The following SWT1 variants were observed in gnomAD, a reference collection of about 807,000 sequenced individuals.
SWT1 encodes the protein SWT1 RNA endoribonuclease homolog.
In SWT1, 33 loss-of-function variants were observed where a neutral mutation model predicts 107.3. That is an observed-to-expected ratio of 0.31 (90% CI 0.23 to 0.41). The LOEUF is 0.41. SWT1 is among the 10% of genes least tolerant of loss of function. The probability of loss-of-function intolerance (pLI) is 1.00; values close to 1 mark genes in which losing one functional copy is unlikely to be tolerated. For missense variants in SWT1, 898 were observed against 1,028.9 expected, an observed-to-expected ratio of 0.87 and a Z score of 1.74; for synonymous variants, 345 against 348.3, an observed-to-expected ratio of 0.99 and a Z score of 0.11.
intron 16 of SWT1, among the ~76,000 whole-genome samples, chr1:185,257,654 G>C (rs573148183): frequency 2.6e-5 from 4 of 152,204 alleles, no homozygotes; most frequent in African/African-American, 7.2e-5. Flanking sequence ...CATGGTGCGC[G>C]CACCCACTGA....
intron 18 of SWT1, among the ~76,000 whole-genome samples, chr1:185,277,469 T>C (rs1664319764): frequency 6.6e-6 from 1 of 152,104 alleles, no homozygotes; most frequent in South Asian, 2.1e-4. Flanking sequence ...TTTGTATTTT[T>C]AGTAGAGACG....
chr1:185,195,532 T>C (rs1202128761), intron 10 of SWT1, among the ~76,000 whole-genome samples: 3 of 152,182 alleles, frequency 2.0e-5, no homozygotes, highest in Admixed American at 2.0e-4. Context: ...GATTGCTGGG[T>C]CAAATGGTAT....
At chr1:185,242,954 G>A (rs2102614675) in intron 16 of SWT1, among the ~76,000 whole-genome samples, 1 of 152,156 alleles carries the variant, frequency 6.6e-6, no homozygotes, top group South Asian at 2.1e-4. Context: ...TCTGAATAAG[G>A]GCTATCATAA....
intron 16 of SWT1, among the ~76,000 whole-genome samples, chr1:185,255,185 G>A (rs1218873953): frequency 6.6e-6 from 1 of 152,140 alleles, no homozygotes; most frequent in Non-Finnish European, 1.5e-5. Flanking sequence ...CTGTTGAGGA[G>A]AGCTTTACTT....
At position 185,184,132 on chromosome 1, in the gene SWT1, A is replaced by G. The variant is rs1656253781; in HGVS notation, c.1139-111A>G. The G allele has an allele frequency of 1.9e-5, 11 of 590,384 alleles. No homozygotes were observed. The South Asian group carries it at 2.3e-4, about 12-fold the overall frequency. 36.6% of individuals were successfully genotyped at this position (590,384 alleles called of 1,614,324 possible). ...AATCTCTGATACAGTTAACAAGACA[A>G]AGAGGCGTTTTAAATTTAATTGAAT... On this transcript the variant is annotated intron_variant, in intron 7 of 18. Transcript: ENST00000367500.
At chr1:185,235,013 A>G (rs1015682497) in intron 16 of SWT1, among the ~76,000 whole-genome samples, 1 of 152,208 alleles carries the variant, frequency 6.6e-6, no homozygotes, top group Non-Finnish European at 1.5e-5. Context: ...CCAAACCAGG[A>G]AGAAGTCGAA....
rs1433604152 is a variant in SWT1, at chr1:185,290,732, T to TGCAATGC, written c.2633_2639dup (p.Ser881GlnfsTer15). The stretch of plus-strand genomic sequence containing the variant: ...TGAGATGGAATATACCATGCAGCAG[T>TGCAATGC]GCAATGCATCTGTTTATATGGAGGC... On this transcript the variant is annotated frameshift_variant, in exon 19 of 19. Transcript: ENST00000367500. LOFTEE classifies it high-confidence loss of function. The TGCAATGC allele has an allele frequency of 6.2e-7, 1 of 1,611,412 alleles. No individual in the cohort carries two copies. Among genetic ancestry groups the TGCAATGC allele is most frequent in the African/African-American group, 1.3e-5 (1 of 74,784 alleles).
At chr1:185,173,431 T>C (rs1182453642) in intron 4 of SWT1, among the ~76,000 whole-genome samples, 1 of 151,222 alleles carries the variant, frequency 6.6e-6, no homozygotes, top group Non-Finnish European at 1.5e-5. Flanking sequence ...TAGTGGCTCA[T>C]GCCTGTAGCC....
chr1:185,202,619 A>G (rs1558036237), intron 10 of SWT1, 35 bp from the exon 11 acceptor site: 1 of 1,586,078 alleles, frequency 6.3e-7, no homozygotes, highest in Non-Finnish European at 8.6e-7. Flanking sequence ...TATAAAAAAT[A>G]TTTTTTCCTC....
At chr1:185,244,742 A>G (rs1054274374) in intron 16 of SWT1, among the ~76,000 whole-genome samples, 1 of 152,130 alleles carries the variant, frequency 6.6e-6, no homozygotes, top group African/African-American at 2.4e-5. Flanking sequence ...TGAACTTTTG[A>G]TTTTTTAATA....
intron 17 of SWT1, among the ~76,000 whole-genome samples, chr1:185,272,872 T>TA (rs1382586430): frequency 3.3e-5 from 5 of 151,670 alleles, no homozygotes; most frequent in African/African-American, 9.7e-5. Context: ...CCCATCTCTC[T>TA]AAAAAACAAA....
At chr1:185,232,829 A>AT (rs1478975104) in intron 16 of SWT1, among the ~76,000 whole-genome samples, 7 of 152,260 alleles carry the variant, frequency 4.6e-5, no homozygotes, top group South Asian at 2.1e-4. Context: ...CTGTAAGGAA[A>AT]TTTTTTTAAT....
chr1:185,204,437 C>T (rs988832560), intron 11 of SWT1, among the ~76,000 whole-genome samples: 4 of 151,954 alleles, frequency 2.6e-5, no homozygotes, highest in African/African-American at 9.7e-5. Context: ...ACATTTCTTA[C>T]ATTTTTATTT....
chr1:185,280,848 C>T (rs1391261939), intron 18 of SWT1: 2 of 423,486 alleles, frequency 4.7e-6, no homozygotes, highest in South Asian at 1.8e-5. Flanking sequence ...GTTGTGATGC[C>T]AGAGCTGGCG....
At chr1:185,207,784 C>T (rs558299709) in intron 13 of SWT1, among the ~76,000 whole-genome samples, 57 of 151,994 alleles carry the variant, frequency 3.8e-4, no homozygotes, top group African/African-American at 1.4e-3. Flanking sequence ...GCCTGTAGAC[C>T]CAGCTACTTG....
At chr1:185,176,286 C>CAAAA (rs71101962) in intron 5 of SWT1, among the ~76,000 whole-genome samples, 1 of 47,294 alleles carries the variant, frequency 2.1e-5, no homozygotes, top group Non-Finnish European at 3.5e-5. Context: ...ACCTTGTCTC[C>CAAAA]AAAAAAAAAA....
chr1:185,195,537 T>C (rs980590750), intron 10 of SWT1, among the ~76,000 whole-genome samples: 1 of 152,170 alleles, frequency 6.6e-6, no homozygotes, highest in Non-Finnish European at 1.5e-5. Flanking sequence ...CTGGGTCAAA[T>C]GGTATTTCTG....
chr1:185,255,639 C>G (rs1398968728), intron 16 of SWT1, among the ~76,000 whole-genome samples: 1 of 126,282 alleles, frequency 7.9e-6, no homozygotes. Context: ...CTTGGTAGAT[C>G]TTCCTCCATC....
At chr1:185,264,277 TC>T (rs1278253792) in intron 16 of SWT1, 25 of 865,822 alleles carry the variant, frequency 2.9e-5, no homozygotes, top group Non-Finnish European at 3.3e-5. Flanking sequence ...TTTTCATTTT[TC>T]TTGATTTCTC....
Sources: allele counts gnomAD v4.1 joint callset (sites outside exome capture counted in the v4.1 genomes callset), GRCh38; gene constraint gnomAD v4.1.1; transcripts MANE v1.5; gene names NCBI Gene and HGNC (gene_info 2026-07-23, HGNC 2026-07-21).